The following TOX variants were observed in gnomAD, a reference collection of about 807,000 sequenced individuals.
TOX encodes the protein thymocyte selection-associated high mobility group box protein TOX.
TOX carries 11 observed loss-of-function variants against 53.7 expected under a neutral mutation model. That is an observed-to-expected ratio of 0.20 (90% confidence interval 0.13 to 0.34). The LOEUF (loss-of-function observed/expected upper bound fraction) is 0.34. TOX is among the 10% of genes least tolerant of loss of function. TOX has a pLI of 1.00. For missense variants in TOX, 570 were observed against 664.6 expected (o/e 0.86, Z 1.56); for synonymous variants, 225 against 245.3 (o/e 0.92, Z 0.77).
chr8:59,063,899 T>TGTGTGTGTGTGTGTTC (rs1804040369), intron 1 of TOX, among the ~76,000 whole-genome samples: 1 of 105,450 alleles, frequency 9.5e-6, no homozygotes, highest in Non-Finnish European at 1.7e-5. Flanking sequence ...AAATCATGTA[T>TGTGTGTGTGTGTGTTC]GTGTGTGTGT....
intron 3 of TOX, among the ~76,000 whole-genome samples, chr8:58,885,462 A>G (rs1383330723): frequency 6.6e-6 from 1 of 151,958 alleles, no homozygotes; most frequent in African/African-American, 2.4e-5. Context: ...GTGTCACCTT[A>G]CTCTGGTCAC....
In TOX at chr8:59,110,030, TGA is replaced by T. The variant is rs145813432; in HGVS notation, c.102+8854_102+8855del. Among the ~76,000 whole-genome samples, 49 of 152,308 alleles carry T rather than the reference TGA, an allele frequency of 3.2e-4. No individual in the cohort carries two copies. In the East Asian group the frequency reaches 5.0e-3, roughly 16 times the overall value. On this transcript the variant is annotated intron_variant, in intron 1 of 8. Transcript: ENST00000361421. ...AAAGATTAGTTTTGCAGTAAATTTT[TGA>T]GAGTTACCTTGAAAAATAACAGCAT... is the stretch of plus-strand genomic sequence containing the variant.
chr8:58,961,188 C>G (rs1345830667), intron 1 of TOX, among the ~76,000 whole-genome samples: 2 of 152,148 alleles, frequency 1.3e-5, no homozygotes, highest in African/African-American at 4.8e-5. Flanking sequence ...GAGGGTCGCT[C>G]ACAGCCTCTA....
At chr8:59,088,259 C>T (rs940186264) in intron 1 of TOX, among the ~76,000 whole-genome samples, 1 of 152,072 alleles carries the variant, frequency 6.6e-6, no homozygotes, top group Non-Finnish European at 1.5e-5. Context: ...TTTTCTTTTT[C>T]TTTCAAAAGT....
chr8:59,104,240 A>G (rs536585127), intron 1 of TOX, among the ~76,000 whole-genome samples: 2 of 152,172 alleles, frequency 1.3e-5, no homozygotes, highest in Non-Finnish European at 1.5e-5. Flanking sequence ...ATCTTCCTCA[A>G]ACACAGTTCT....
At chr8:59,107,149 A>G (rs1452060929) in intron 1 of TOX, among the ~76,000 whole-genome samples, 1 of 151,924 alleles carries the variant, frequency 6.6e-6, no homozygotes. Flanking sequence ...TTGAAAAGTG[A>G]CCAACCAATC....
chr8:58,970,308 T>C (rs1812979773), intron 1 of TOX, among the ~76,000 whole-genome samples: 1 of 152,210 alleles, frequency 6.6e-6, no homozygotes, highest in Non-Finnish European at 1.5e-5. Flanking sequence ...GTGATTTTCA[T>C]ATGACCAGAT....
At chr8:58,979,302 ACT>A (rs1422273800) in intron 1 of TOX, among the ~76,000 whole-genome samples, 3 of 152,252 alleles carry the variant, frequency 2.0e-5, no homozygotes, top group African/African-American at 7.2e-5. Context: ...TTTGCAAGTA[ACT>A]AAATTTATAT....
intron 1 of TOX, among the ~76,000 whole-genome samples, chr8:59,099,938 A>G (rs1804776847): frequency 6.6e-6 from 1 of 152,210 alleles, no homozygotes; most frequent in African/African-American, 2.4e-5. Flanking sequence ...TGTAAAAGAA[A>G]GGTTCCTGAT....
chr8:58,856,865 G>C (rs1385942351), intron 3 of TOX, among the ~76,000 whole-genome samples: 1 of 152,086 alleles, frequency 6.6e-6, no homozygotes, highest in East Asian at 1.9e-4. Context: ...AAGAAAGGAG[G>C]CTGAGGGTGT....
chr8:58,877,787 A>G (rs1811310605), intron 3 of TOX, among the ~76,000 whole-genome samples: 1 of 152,042 alleles, frequency 6.6e-6, no homozygotes, highest in African/African-American at 2.4e-5. Context: ...CCTTTCAAAC[A>G]CTTTCTAATC....
intron 1 of TOX, among the ~76,000 whole-genome samples, chr8:59,069,519 G>A (rs1052431691): frequency 2.0e-5 from 3 of 152,208 alleles, no homozygotes; most frequent in African/African-American, 7.2e-5. Flanking sequence ...TTTATAGTTA[G>A]TAGCTGAAGC....
chr8:58,945,454 T>C (rs1812509763), intron 2 of TOX, among the ~76,000 whole-genome samples: 1 of 152,192 alleles, frequency 6.6e-6, no homozygotes, highest in Non-Finnish European at 1.5e-5. Flanking sequence ...AAAGCCAAAG[T>C]CCTTCCCTGA....
At chr8:59,079,237 G>A (rs74747281) in intron 1 of TOX, among the ~76,000 whole-genome samples, 21,158 of 152,054 alleles carry the variant, frequency 0.14, 1,728 homozygotes, top group East Asian at 0.24. Context: ...TTTGGGAGAG[G>A]AATTAAAAAA....
At chr8:58,877,857 T>A (rs1811311737) in intron 3 of TOX, among the ~76,000 whole-genome samples, 2 of 132,242 alleles carry the variant, frequency 1.5e-5, no homozygotes, top group African/African-American at 3.2e-5. Context: ...AGCCTACATA[T>A]TAAAAAAAAA....
At chr8:58,809,151 T>C (rs1810037447) in intron 7 of TOX, among the ~76,000 whole-genome samples, 3 of 152,248 alleles carry the variant, frequency 2.0e-5, no homozygotes, top group Non-Finnish European at 2.9e-5. Context: ...AGCAAGTTTT[T>C]CTGGAAATGA....
At chr8:59,098,821 T>C (rs1303701100) in intron 1 of TOX, among the ~76,000 whole-genome samples, 1 of 152,188 alleles carries the variant, frequency 6.6e-6, no homozygotes, top group Non-Finnish European at 1.5e-5. Flanking sequence ...TTATGATCCA[T>C]GACTTGCCCT....
chr8:58,906,579 A>AT (rs1811818849), intron 3 of TOX, among the ~76,000 whole-genome samples: 1 of 152,208 alleles, frequency 6.6e-6, no homozygotes, highest in African/African-American at 2.4e-5. Flanking sequence ...AAACCATAAG[A>AT]TAAAAAAAGA....
chr8:59,065,846 T>G lies in TOX; in HGVS notation c.102+53040A>C, dbSNP rs1349936832. On this transcript the variant is annotated intron_variant, in intron 1 of 8. Transcript: ENST00000361421. ...CACATGAGAACCAAAGTTCATGTTC[T>G]GAAGAAAAAAAAAATCATCAAATAA... Among the ~76,000 whole-genome samples the G allele has an allele frequency of 2.0e-5, 3 of 151,966 alleles. No homozygotes were observed. In the East Asian group the frequency reaches 5.8e-4, roughly 29 times the overall value.
Sources: gnomAD v4.1 joint callset for allele counts (sites outside exome capture counted in the v4.1 genomes callset) on GRCh38, gnomAD v4.1.1 for gene constraint, MANE v1.5 for transcripts, NCBI Gene and HGNC (gene_info 2026-07-23, HGNC 2026-07-21) for gene names.